THSD4: variants seen among roughly 807,000 people sequenced by gnomAD.
The protein encoded by THSD4 is thrombospondin type 1 domain containing 4.
Under a neutral mutation model 119.0 loss-of-function variants are expected in THSD4, and 69 were observed. That is an observed-to-expected ratio of 0.58 (90% confidence interval 0.48 to 0.71). The LOEUF (loss-of-function observed/expected upper bound fraction) is 0.71. Ranked by LOEUF, THSD4 falls within the 30% of genes least tolerant of loss-of-function variation. THSD4 has a pLI of 0.00. For missense variants in THSD4, 1,393 were observed against 1,391.1 expected (o/e 1.00, Z -0.02); for synonymous variants, 524 against 540.4 (o/e 0.97, Z 0.42).
intron 3 of THSD4, among the ~76,000 whole-genome samples, chr15:71,163,609 A>G (rs557502297): frequency 4.6e-4 from 70 of 152,134 alleles, no homozygotes; most frequent in African/African-American, 1.6e-3. Flanking sequence ...CTTTCCTCCT[A>G]TCTACTTGGA....
At chr15:71,639,310 G>C (rs1161716319) in intron 7 of THSD4, among the ~76,000 whole-genome samples, 1 of 152,158 alleles carries the variant, frequency 6.6e-6, no homozygotes, top group Non-Finnish European at 1.5e-5. Flanking sequence ...CATGGGGGCT[G>C]GATTTCCAGA....
At chr15:71,450,897 G>A (rs1260067347) in intron 7 of THSD4, among the ~76,000 whole-genome samples, 1 of 152,220 alleles carries the variant, frequency 6.6e-6, no homozygotes, top group Non-Finnish European at 1.5e-5. Flanking sequence ...GGGGCTAGGA[G>A]CCGGGCGTGG....
At chr15:71,322,026 T>TAA (rs539984755) in intron 6 of THSD4, among the ~76,000 whole-genome samples, 7 of 144,918 alleles carry the variant, frequency 4.8e-5, no homozygotes, top group East Asian at 2.0e-4. Context: ...CACATGGACT[T>TAA]AAAAAAAAAA....
At chr15:71,323,232 C>A (rs561777856) in intron 6 of THSD4, among the ~76,000 whole-genome samples, 4 of 152,106 alleles carry the variant, frequency 2.6e-5, no homozygotes, top group Admixed American at 6.5e-5. Flanking sequence ...GGAGACCACC[C>A]AAAAGCATGG....
In THSD4 at chr15:71,737,802, C is replaced by G; in HGVS notation, c.1701C>G (p.Asn567Lys). The change falls in exon 11 of 18, where the codon AAC (asparagine) becomes AAG (lysine). Residue 567 changes from asparagine (N) to lysine (K), a missense_variant. By Grantham distance (94) the Asn-to-Lys change is moderately conservative. Coordinates refer to ENST00000261862, the MANE Select transcript of THSD4 (RefSeq NM_024817.3). Reference sequence around the variant, plus strand: ...AGGAGGGAGAACAGAAAGGGAGGAACGAGGAGAAGGAAGACTTGCGTGGGG... The same window carrying G: ...AGGAGGGAGAACAGAAAGGGAGGAAGGAGGAGAAGGAAGACTTGCGTGGGG... ...SQEEGEQKGRNEEKEDLRGEA... is the reference protein window; with the variant it reads ...SQEEGEQKGRKEEKEDLRGEA... 6.2e-7 allele frequency: 1 copy of G among 1,614,166 alleles called. No homozygotes were observed. Among genetic ancestry groups the G allele is most frequent in the Non-Finnish European group, 8.5e-7 (1 of 1,180,004 alleles).
chr15:71,390,359 A>G (rs1047115110), intron 6 of THSD4, among the ~76,000 whole-genome samples: 2 of 152,228 alleles, frequency 1.3e-5, no homozygotes, highest in Non-Finnish European at 2.9e-5. Context: ...GGAAACCAGG[A>G]AGGAAATAGG....
chr15:71,361,826 T>G (rs1229266546), intron 6 of THSD4, among the ~76,000 whole-genome samples: 1 of 152,192 alleles, frequency 6.6e-6, no homozygotes, highest in Non-Finnish European at 1.5e-5. Context: ...AAAATGAGAC[T>G]TTGTGTATGT....
At chr15:71,220,676 G>A (rs191101382) in intron 4 of THSD4, among the ~76,000 whole-genome samples, 78 of 152,316 alleles carry the variant, frequency 5.1e-4, no homozygotes, top group Non-Finnish European at 5.1e-4. Flanking sequence ...ATTAGATAGT[G>A]TGTTAGAGAG....
At chr15:71,172,635 A>AGGCAAATCGATAAT (rs2043381023) in intron 3 of THSD4, among the ~76,000 whole-genome samples, 1 of 124,194 alleles carries the variant, frequency 8.1e-6, no homozygotes, top group African/African-American at 2.9e-5. Context: ...GTGTAAAGAT[A>AGGCAAATCGATAAT]GGCAAATAGA....
At chr15:71,384,264 G>A (rs2046266786) in intron 6 of THSD4, among the ~76,000 whole-genome samples, 1 of 152,146 alleles carries the variant, frequency 6.6e-6, no homozygotes, top group African/African-American at 2.4e-5. Flanking sequence ...TGTAGTCCCA[G>A]CTACTCAGGA....
intron 4 of THSD4, among the ~76,000 whole-genome samples, chr15:71,240,181 A>T (rs1049930190): frequency 1.3e-5 from 2 of 152,176 alleles, no homozygotes; most frequent in Admixed American, 6.5e-5. Flanking sequence ...TACACAAGTC[A>T]TCAGCCAACA....
chr15:71,697,034 G>A (rs1377931532), intron 8 of THSD4, among the ~76,000 whole-genome samples: 1 of 152,218 alleles, frequency 6.6e-6, no homozygotes, highest in African/African-American at 2.4e-5. Flanking sequence ...GAGGAGAACA[G>A]GAGAAAGGAA....
At chr15:71,183,658 C>T (rs1029422899) in intron 3 of THSD4, among the ~76,000 whole-genome samples, 1 of 151,632 alleles carries the variant, frequency 6.6e-6, no homozygotes, top group African/African-American at 2.4e-5. Context: ...GGCACATAAA[C>T]GTCCCTAAGA....
intron 7 of THSD4, among the ~76,000 whole-genome samples, chr15:71,431,722 C>T (rs2046944952): frequency 6.6e-6 from 1 of 152,158 alleles, no homozygotes; most frequent in Non-Finnish European, 1.5e-5. Flanking sequence ...TACACTGTTA[C>T]TTCCCAGACC....
intron 6 of THSD4, among the ~76,000 whole-genome samples, chr15:71,353,192 C>G (rs2045765941): frequency 6.6e-6 from 1 of 152,198 alleles, no homozygotes; most frequent in East Asian, 1.9e-4. Flanking sequence ...TGCGTCTACA[C>G]TTTAAGCCTA....
chr15:71,112,639 C>A (rs903936318), upstream of THSD4, among the ~76,000 whole-genome samples: 1 of 152,190 alleles, frequency 6.6e-6, no homozygotes. Flanking sequence ...AGGCAGGCCC[C>A]CAGCCTAGGT....
intron 7 of THSD4, among the ~76,000 whole-genome samples, chr15:71,453,254 C>T (rs1159080264): frequency 1.3e-5 from 2 of 152,168 alleles, no homozygotes; most frequent in African/African-American, 4.8e-5. Flanking sequence ...TGCCTCATGC[C>T]GTAGCTCTCC....
intron 6 of THSD4, among the ~76,000 whole-genome samples, chr15:71,299,602 G>GA (rs1456685225): frequency 2.0e-5 from 3 of 152,144 alleles, no homozygotes; most frequent in African/African-American, 4.8e-5. Flanking sequence ...GTTTCAGTTA[G>GA]AAGGAATAAG....
At chr15:71,675,966 C>T (rs990777563) in intron 8 of THSD4, among the ~76,000 whole-genome samples, 2 of 152,210 alleles carry the variant, frequency 1.3e-5, no homozygotes, top group Non-Finnish European at 2.9e-5. Context: ...TCCCTGTCCC[C>T]ACTGCTACCT....
Sources: allele counts gnomAD v4.1 joint callset (sites outside exome capture counted in the v4.1 genomes callset), GRCh38; gene constraint gnomAD v4.1.1; transcripts MANE v1.5; gene names NCBI Gene and HGNC (gene_info 2026-07-23, HGNC 2026-07-21).